PTPRD: variants seen among roughly 807,000 people sequenced by gnomAD.
PTPRD encodes receptor-type tyrosine-protein phosphatase delta.
In PTPRD, 34 loss-of-function variants were observed where a neutral mutation model predicts 214.5. That is an observed-to-expected ratio of 0.16 (90% CI 0.12 to 0.21). The LOEUF (loss-of-function observed/expected upper bound fraction) is 0.21, where lower values mean the gene tolerates loss of function less well. Among genes scored for constraint, PTPRD ranks in the 10% least tolerant of loss-of-function variants. The pLI is 1.00. For missense variants in PTPRD, 2,545 were observed against 2,398.7 expected (o/e 1.06, Z -1.27); for synonymous variants, 1,128 against 845.7 (o/e 1.33, Z -5.79).
At chr9:9,912,370 T>G (rs1048830252) in intron 5 of PTPRD, among the ~76,000 whole-genome samples, 6 of 152,160 alleles carry the variant, frequency 3.9e-5, no homozygotes, top group African/African-American at 1.4e-4. Context: ...TATCATGAGG[T>G]AGCAGTCTCC....
intron 11 of PTPRD, among the ~76,000 whole-genome samples, chr9:8,831,713 T>C (rs188540788): frequency 6.6e-6 from 1 of 152,324 alleles, no homozygotes; most frequent in Admixed American, 6.5e-5. Context: ...ACAGTTAGAA[T>C]GAATTTTATC....
At chr9:9,847,184 T>G (rs2059697735) in intron 5 of PTPRD, among the ~76,000 whole-genome samples, 1 of 152,118 alleles carries the variant, frequency 6.6e-6, no homozygotes, top group African/African-American at 2.4e-5. Context: ...CTGTTTTTCT[T>G]TGTCCCTGTA....
chr9:10,209,158 G>A (rs1470132184), intron 3 of PTPRD, among the ~76,000 whole-genome samples: 1 of 152,072 alleles, frequency 6.6e-6, no homozygotes. Context: ...ATGCCAAGAA[G>A]ATAGACAGCA....
At chr9:8,366,133 G>A (rs982767244) in intron 39 of PTPRD, among the ~76,000 whole-genome samples, 2 of 152,024 alleles carry the variant, frequency 1.3e-5, no homozygotes, top group Non-Finnish European at 2.9e-5. Context: ...CAAAAACAGA[G>A]AGAAAAGAAA....
intron 11 of PTPRD, among the ~76,000 whole-genome samples, chr9:8,986,704 C>G (rs1197042348): frequency 1.3e-5 from 2 of 151,948 alleles, no homozygotes; most frequent in Non-Finnish European, 2.9e-5. Flanking sequence ...AATATATGCT[C>G]ACTTTTTAGC....
chr9:10,128,771 T>C (rs72696906), intron 3 of PTPRD, among the ~76,000 whole-genome samples: 7,796 of 152,210 alleles, frequency 0.051, 293 homozygotes, highest in Admixed American at 0.1. Flanking sequence ...AAACTGTTTT[T>C]CTGCTGCCTG....
intron 6 of PTPRD, among the ~76,000 whole-genome samples, chr9:9,761,888 T>C (rs1381502689): frequency 6.6e-6 from 1 of 152,224 alleles, no homozygotes; most frequent in Non-Finnish European, 1.5e-5. Context: ...ATTTTGATCA[T>C]GTTTGCAAAA....
intron 2 of PTPRD, among the ~76,000 whole-genome samples, chr9:10,394,300 C>T (rs2098129473): frequency 6.7e-6 from 1 of 149,796 alleles, no homozygotes; most frequent in Non-Finnish European, 1.5e-5. Flanking sequence ...CCTCAACATA[C>T]TTCTTTTGAA....
At chr9:9,542,137 G>A (rs1038507317) in intron 8 of PTPRD, among the ~76,000 whole-genome samples, 7 of 151,526 alleles carry the variant, frequency 4.6e-5, no homozygotes, top group South Asian at 4.2e-4. Context: ...AGAAAAAAAC[G>A]AAAAAAGAGA....
At chr9:9,799,068 A>G (rs1264871754) in intron 5 of PTPRD, among the ~76,000 whole-genome samples, 1 of 152,122 alleles carries the variant, frequency 6.6e-6, no homozygotes, top group Non-Finnish European at 1.5e-5. Context: ...CTGCAGAATC[A>G]AAACTTATAT....
At chr9:9,442,050 T>A (rs1431729131) in intron 8 of PTPRD, 3 of 152,384 alleles carry the variant, frequency 2.0e-5, no homozygotes, top group South Asian at 4.1e-4. Flanking sequence ...GAGTCAGAAG[T>A]CTGTAATGCG....
At position 9,814,706 on chromosome 9, in the gene PTPRD, T is replaced by C. The variant is rs1262872562; in HGVS notation, c.-367-47855A>G. ...CAATCTACAGGTTCCACGCAATCCC[T>C]ACCAAATTCCAATAGCATTTTTCAC... is the stretch of plus-strand genomic sequence containing the variant. On this transcript the variant is annotated intron_variant, in intron 5 of 45. Coordinates refer to ENST00000381196, the MANE Select transcript of PTPRD (RefSeq NM_002839.4). Among the ~76,000 whole-genome samples the C allele has an allele frequency of 4.0e-5, 6 of 151,420 alleles. 1 individual carries two copies. The highest frequency in any genetic ancestry group is 1.9e-4 in the East Asian group (1 of 5,154).
chr9:10,285,745 G>C (rs947842552), intron 3 of PTPRD, among the ~76,000 whole-genome samples: 1 of 151,724 alleles, frequency 6.6e-6, no homozygotes, highest in Non-Finnish European at 1.5e-5. Flanking sequence ...CGAGTAGCTG[G>C]GATTACAGGC....
At chr9:10,182,259 CA>C (rs3075574) in intron 3 of PTPRD, among the ~76,000 whole-genome samples, 256 of 54,448 alleles carry the variant, frequency 4.7e-3, no homozygotes, top group Admixed American at 7.7e-3. Context: ...GACTCTGCCT[CA>C]AAAAAAAAAA....
intron 9 of PTPRD, among the ~76,000 whole-genome samples, chr9:9,311,295 A>G (rs987269820): frequency 2.0e-5 from 3 of 152,178 alleles, no homozygotes; most frequent in Non-Finnish European, 2.9e-5. Context: ...CAAACACAAA[A>G]TCATTATATT....
At chr9:9,377,716 A>C (rs1401983422) in intron 9 of PTPRD, among the ~76,000 whole-genome samples, 1 of 152,106 alleles carries the variant, frequency 6.6e-6, no homozygotes, top group East Asian at 1.9e-4. Flanking sequence ...TTAAGCGGAA[A>C]AATGTTGGCA....
At chr9:9,008,373 T>C (rs543737016) in intron 11 of PTPRD, among the ~76,000 whole-genome samples, 1 of 151,464 alleles carries the variant, frequency 6.6e-6, no homozygotes, top group Admixed American at 6.6e-5. Context: ...GACTACAGGC[T>C]CCCGCCACCA....
intron 10 of PTPRD, among the ~76,000 whole-genome samples, chr9:9,136,268 A>ATCT (rs150859224): frequency 0.039 from 5,922 of 152,248 alleles, 249 homozygotes; most frequent in African/African-American, 0.093. Flanking sequence ...TCTAATTAAC[A>ATCT]TCTTTTGGTC....
chr9:8,585,148 G>A (rs542578141), intron 14 of PTPRD, among the ~76,000 whole-genome samples: 73 of 152,212 alleles, frequency 4.8e-4, no homozygotes, highest in African/African-American at 1.6e-3. Context: ...CTTGCCACGT[G>A]AAATTTTCAA....
Sources: gnomAD v4.1 joint callset for allele counts (sites outside exome capture counted in the v4.1 genomes callset) on GRCh38, gnomAD v4.1.1 for gene constraint, MANE v1.5 for transcripts, NCBI Gene and HGNC (gene_info 2026-07-23, HGNC 2026-07-21) for gene names.